Variants in FAM120C observed in about 807,000 individuals in gnomAD.
FAM120C encodes constitutive coactivator of PPAR-gamma-like protein 2.
A neutral mutation model predicts 71.2 loss-of-function variants in FAM120C; 14 were observed. The ratio of observed to expected loss-of-function variants is 0.20; its 90% CI spans 0.13 to 0.31. The LOEUF (loss-of-function observed/expected upper bound fraction) is 0.31, where lower values mean the gene tolerates loss of function less well. FAM120C is among the 10% of genes least tolerant of loss of function. The pLI is 1.00. For synonymous variants in FAM120C, 354 were observed against 353.2 expected, an observed-to-expected ratio of 1.00 and a Z score of -0.03; for missense variants, 500 against 879.0, an observed-to-expected ratio of 0.57 and a Z score of 5.45.
intron 5 of FAM120C, among the ~76,000 whole-genome samples, chrX:54,136,141 G>T (rs1285351378): frequency 9.0e-6 from 1 of 111,027 alleles, no homozygotes; most frequent in East Asian, 2.8e-4. Flanking sequence ...TGGGATTACA[G>T]GCGCCTGCCA....
chrX:54,116,851 G>A (rs781824996), intron 9 of FAM120C, 57 bp from the exon 10 acceptor site: 34 of 1,155,880 alleles, frequency 2.9e-5, no homozygotes, highest in East Asian at 1.5e-4. Flanking sequence ...GCATTTCTAC[G>A]GCTAGCCACA....
intron 1 of FAM120C, among the ~76,000 whole-genome samples, chrX:54,160,317 C>G (rs2067229964): frequency 9.0e-6 from 1 of 110,840 alleles, no homozygotes; most frequent in Non-Finnish European, 1.9e-5. Context: ...CGCAGGGCAC[C>G]CAAACAGTTG....
intron 8 of FAM120C, among the ~76,000 whole-genome samples, chrX:54,133,131 C>T (rs2067076753): frequency 9.0e-6 from 1 of 111,476 alleles, no homozygotes; most frequent in Admixed American, 9.6e-5. Flanking sequence ...GCGGGTGGAT[C>T]ACCTGAGGTC....
chrX:54,146,513 T>G (rs1264074289), intron 4 of FAM120C, among the ~76,000 whole-genome samples: 2 of 110,224 alleles, frequency 1.8e-5, no homozygotes, highest in African/African-American at 6.6e-5. Context: ...GGACCTTATC[T>G]CTACAAAAAA....
At position 54,085,890 on chromosome X, in the gene FAM120C, C is replaced by T. The variant is rs1557121919; in HGVS notation, c.2664G>A (p.Lys888=). 1.7e-6 allele frequency: 2 copies of T among 1,211,699 alleles called. No individual in the cohort carries two copies. The highest frequency in any genetic ancestry group is 2.2e-5 in the Admixed American group (1 of 45,996). The change falls in exon 13 of 16, where the codon AAG becomes AAA. Residue 888 remains lysine (K), a synonymous_variant. Transcript: ENST00000375180. ...GQADLATKVE[K]MRQSILEGVN... The stretch of plus-strand genomic sequence containing the variant: ...CTCCTTCAAGGATGCTCTGTCTCAT[C>T]TTTTCCACTTTGGTTGCCAGGTCAG...
At chrX:54,174,652 T>C (rs1193529971) in intron 1 of FAM120C, among the ~76,000 whole-genome samples, 2 of 112,709 alleles carry the variant, frequency 1.8e-5, no homozygotes, top group Admixed American at 1.9e-4. Flanking sequence ...AATCATTCAA[T>C]TCATTCAACT....
intron 9 of FAM120C, among the ~76,000 whole-genome samples, chrX:54,118,298 G>A (rs910215510): frequency 7.3e-5 from 8 of 110,010 alleles, no homozygotes; most frequent in African/African-American, 1.3e-4. Context: ...TGCATGTATC[G>A]ATAGTACATT....
intron 1 of FAM120C, among the ~76,000 whole-genome samples, chrX:54,173,540 G>A (rs989945514): frequency 1.8e-5 from 2 of 112,529 alleles, no homozygotes; most frequent in African/African-American, 3.2e-5. Flanking sequence ...GAGCCACCGC[G>A]CCCGGCTGTA....
chrX:54,111,920 T>C (rs2066939384), intron 10 of FAM120C, among the ~76,000 whole-genome samples: 3 of 112,312 alleles, frequency 2.7e-5, no homozygotes, highest in Non-Finnish European at 5.6e-5. Context: ...AGCATGGTAG[T>C]GGCATAAAAA....
chrX:54,085,969 A>G, intron 12 of FAM120C, 53 bp from the exon 13 acceptor site: 2 of 1,074,913 alleles, frequency 1.9e-6, no homozygotes, highest in Non-Finnish European at 2.6e-6. Context: ...AACTTGTCCC[A>G]TGTTTTAGGC....
At chrX:54,164,550 GTCC>G (rs782247293) in intron 1 of FAM120C, among the ~76,000 whole-genome samples, 2 of 111,985 alleles carry the variant, frequency 1.8e-5, no homozygotes, top group South Asian at 7.5e-4. Flanking sequence ...TTAGCATAAT[GTCC>G]TCAAGTGTTC....
intron 4 of FAM120C, among the ~76,000 whole-genome samples, chrX:54,143,174 G>A (rs1199451334): frequency 8.9e-6 from 1 of 111,784 alleles, no homozygotes; most frequent in Non-Finnish European, 1.9e-5. Flanking sequence ...TCTGTGTAGA[G>A]GGAAATTTAT....
chrX:54,140,873 G>C (rs1396871418), intron 4 of FAM120C, among the ~76,000 whole-genome samples: 1 of 106,735 alleles, frequency 9.4e-6, no homozygotes, highest in African/African-American at 3.4e-5. Context: ...CCGAGAGATA[G>C]GGGTTGCAGT....
intron 10 of FAM120C, among the ~76,000 whole-genome samples, chrX:54,112,372 G>A (rs916034779): frequency 7.3e-5 from 8 of 109,983 alleles, no homozygotes; most frequent in African/African-American, 2.3e-4. Context: ...AGCCGAGATC[G>A]CGCCACTGCA....
intron 9 of FAM120C, among the ~76,000 whole-genome samples, chrX:54,122,256 C>G (rs2067002458): frequency 2.2e-4 from 2 of 9,114 alleles, no homozygotes; most frequent in Admixed American, 2.1e-3. Flanking sequence ...GAGCTGAGTT[C>G]AATTCCTGGG....
rs782591234 is a variant in FAM120C, at chrX:54,135,131, G to A, written c.1336-20C>T. ...AGAAAACTAAACGATAAAACAGACA[G>A]AAAAGCTATTTAACATTTTATAAGG... On this transcript the variant is annotated intron_variant, in intron 6 of 15. Transcript: ENST00000375180. 1.7e-6 allele frequency: 2 copies of A among 1,168,148 alleles called. No homozygotes were observed. Among genetic ancestry groups the A allele is most frequent in the East Asian group, 6.0e-5 (2 of 33,313 alleles).
chrX:54,114,129 G>A (rs2066954163), intron 10 of FAM120C, among the ~76,000 whole-genome samples: 1 of 110,911 alleles, frequency 9.0e-6, no homozygotes. Context: ...CAGCAACATG[G>A]ATGGAACTAG....
chrX:54,159,726 C>T (rs1269923810), intron 1 of FAM120C, 110 bp from the exon 2 acceptor site: 8 of 711,993 alleles, frequency 1.1e-5, no homozygotes, highest in African/African-American at 4.4e-5. Context: ...TGAAATTGTA[C>T]GTGAGAGAAC....
rs1194447790 is a variant in FAM120C at position 54,122,918 on chromosome X, T to G, written c.2063-6124A>C. 1.8e-3 allele frequency among the ~76,000 whole-genome samples: 39 copies of G among 21,396 alleles called. 1 individual carries two copies. The highest frequency in any genetic ancestry group is 2.6e-3 in the Non-Finnish European group (36 of 13,813). The allele number at this position is 21,396 out of a possible 115,157, so 18.6% of individuals were successfully genotyped here. On this transcript the variant is annotated intron_variant, in intron 9 of 15. Transcript: ENST00000375180. ...AGCTCTTTTAGGGCAGGCCTGGTGG[T>G]GACAAAATCTCTCAGCATTTGCTTG... is the stretch of plus-strand genomic sequence containing the variant.
Sources: allele counts gnomAD v4.1 joint callset (sites outside exome capture counted in the v4.1 genomes callset), GRCh38; gene constraint gnomAD v4.1.1; transcripts MANE v1.5; gene names NCBI Gene and HGNC (gene_info 2026-07-23, HGNC 2026-07-21).